CHEK1: variants seen among roughly 807,000 people sequenced by gnomAD.
The protein encoded by CHEK1 is checkpoint kinase 1, also known as serine/threonine-protein kinase Chk1.
In CHEK1, 32 loss-of-function variants were observed where a neutral mutation model predicts 60.2. The observed-to-expected ratio is 0.53, with a 90% CI of 0.40 to 0.71. The LOEUF (loss-of-function observed/expected upper bound fraction) is 0.71. CHEK1 is among the 30% of genes least tolerant of loss of function. The pLI is 0.00. For missense variants in CHEK1, 399 were observed against 564.6 expected (o/e 0.71, Z 2.97); for synonymous variants, 179 against 187.2 (o/e 0.96, Z 0.36).
intron 13 of CHEK1, chr11:125,672,330 T>C: frequency 2.6e-6 from 1 of 387,546 alleles, no homozygotes; most frequent in South Asian, 4.2e-5. Context: ...GTCTTGAGCC[T>C]GTGTGCTTTA....
chr11:125,633,372 G>C (rs1030725232), intron 6 of CHEK1, 21 bp downstream of exon 6: 2 of 1,497,724 alleles, frequency 1.3e-6, no homozygotes, highest in Non-Finnish European at 1.8e-6. Context: ...TTTAATCATG[G>C]TAAAACTCCT....
Position 125,674,621 on chromosome 11 carries a change from C to A in CHEK1, c.*28-1307C>A, listed in dbSNP as rs563258629. On this transcript the variant is annotated intron_variant, in intron 13 of 13. Transcript: ENST00000428830. ...TATTACAATAGCCCTTTAACAGGTT[C>A]TCTTGTGTCCACTGTAACTTGCTTC... Among the ~76,000 whole-genome samples the A allele has an allele frequency of 1.2e-4, 19 of 152,284 alleles. 1 individual carries two copies. In the South Asian group the frequency reaches 3.9e-3, roughly 32 times the overall value.
chr11:125,635,897 T>A (rs1055399761), intron 7 of CHEK1: 2 of 163,602 alleles, frequency 1.2e-5, no homozygotes, highest in African/African-American at 4.8e-5. Flanking sequence ...CATCATTGTG[T>A]GAACATCATA....
chr11:125,650,490 C>T (rs892099860), intron 11 of CHEK1, among the ~76,000 whole-genome samples: 2 of 124,904 alleles, frequency 1.6e-5, no homozygotes, highest in African/African-American at 6.2e-5. Flanking sequence ...GAGCTTTGCT[C>T]TTGTTGCCCA....
chr11:125,654,415 C>T (rs749280088), intron 12 of CHEK1, among the ~76,000 whole-genome samples: 8 of 152,066 alleles, frequency 5.3e-5, no homozygotes, highest in Non-Finnish European at 7.4e-5. Flanking sequence ...TTTCAGTGAT[C>T]ACATTAATAT....
chr11:125,648,443 G>A (rs888772117), intron 11 of CHEK1, among the ~76,000 whole-genome samples: 27 of 151,940 alleles, frequency 1.8e-4, no homozygotes, highest in Non-Finnish European at 5.9e-5. Flanking sequence ...TTAGCTGGGC[G>A]TGGTTGCGGG....
intron 1 of CHEK1, 141 bp downstream of exon 1, chr11:125,626,153 T>C (rs772096440): frequency 3.3e-6 from 2 of 610,500 alleles, no homozygotes; most frequent in Non-Finnish European, 5.9e-6. Flanking sequence ...AGGGGCGGTT[T>C]CGGAGGGTGG....
chr11:125,633,384 T>A, intron 6 of CHEK1, 33 bp downstream of exon 6: 1 of 1,468,014 alleles, frequency 6.8e-7, no homozygotes, highest in Non-Finnish European at 9.1e-7. Flanking sequence ...AAAACTCCTA[T>A]AAAAAGTCAG....
At chr11:125,665,869 C>CTTTTTTTTTTTTTT (rs66560397) in intron 13 of CHEK1, among the ~76,000 whole-genome samples, 6 of 30,528 alleles carry the variant, frequency 2.0e-4, no homozygotes, top group Admixed American at 3.9e-4. Flanking sequence ...CTTCATTCCC[C>CTTTTTTTTTTTTTT]TTTTTTTTTT....
downstream of CHEK1, chr11:125,677,682 G>T (rs1942576778): frequency 2.9e-6 from 4 of 1,372,052 alleles, no homozygotes; most frequent in Non-Finnish European, 4.0e-6. Flanking sequence ...AGAGCTGTTT[G>T]TGAAGTGTTA....
intron 11 of CHEK1, among the ~76,000 whole-genome samples, chr11:125,647,091 G>A (rs1941532931): frequency 6.6e-6 from 1 of 152,100 alleles, no homozygotes; most frequent in South Asian, 2.1e-4. Context: ...AGGAGTCCCA[G>A]CCTCCTAAGT....
In CHEK1 at chr11:125,655,622, T is replaced by TGA. The variant is rs762754025; in HGVS notation, c.*304_*305dup. 12 of 264,814 alleles carry TGA rather than the reference T, an allele frequency of 4.5e-5. No homozygotes were observed. The highest frequency in any genetic ancestry group is 7.8e-5 in the Non-Finnish European group (11 of 140,364). The allele number at this position is 264,814 out of a possible 1,614,324, so 16.4% of individuals were successfully genotyped here. ...GGTGGAAACCAAGTTTCAGGGGACA[T>TGA]GAGTTTTCCAGCTTTTATACACACG... On this transcript the variant is annotated 3_prime_UTR_variant, in exon 13 of 13. Transcript: ENST00000438015.
At chr11:125,643,247 A>T (rs1941369157) in intron 8 of CHEK1, 1 of 144,676 alleles carries the variant, frequency 6.9e-6, no homozygotes, top group African/African-American at 2.6e-5. Context: ...TGGGAGGCCG[A>T]GGCGGGTGGA....
At chr11:125,645,394 T>C (rs796994537) in intron 11 of CHEK1, among the ~76,000 whole-genome samples, 16 of 152,334 alleles carry the variant, frequency 1.1e-4, no homozygotes, top group African/African-American at 3.6e-4. Context: ...TATTCTAAAC[T>C]GTCTTTAAGG....
intron 13 of CHEK1, chr11:125,671,885 G>A (rs768692229): frequency 6.6e-6 from 1 of 152,140 alleles, no homozygotes; most frequent in Non-Finnish European, 1.5e-5. Context: ...ATGAGGGACC[G>A]TTTAGTATTT....
chr11:125,675,009 T>G (rs191272199), intron 13 of CHEK1, among the ~76,000 whole-genome samples: 65 of 152,336 alleles, frequency 4.3e-4, no homozygotes, highest in Non-Finnish European at 1.5e-5. Context: ...CAACCATTGC[T>G]GTATGACTAA....
chr11:125,664,426 G>A (rs1034211620), intron 13 of CHEK1, among the ~76,000 whole-genome samples: 2 of 151,774 alleles, frequency 1.3e-5, no homozygotes, highest in African/African-American at 2.4e-5. Flanking sequence ...GTAGAGACAG[G>A]GTTTTACCAC....
Position 125,656,611 on chromosome 11 carries a change from T to G in CHEK1, c.*1291T>G, listed in dbSNP as rs528324506. 2 of 213,494 alleles carry G rather than the reference T, an allele frequency of 9.4e-6. No individual in the cohort carries two copies. The highest frequency in any genetic ancestry group is 5.9e-5 in the Admixed American group (1 of 17,076). The allele number at this position is 213,494 out of a possible 1,614,324, so 13.2% of individuals were successfully genotyped here. On this transcript the variant is annotated 3_prime_UTR_variant, in exon 13 of 13. Coordinates refer to ENST00000438015, the MANE Select transcript of CHEK1 (RefSeq NM_001114122.3). ...ATTTTGTTCTTGAGAATTATCTGAG[T>G]CATTAATATTTTTCAAAAACAGCTC...
intron 11 of CHEK1, among the ~76,000 whole-genome samples, chr11:125,645,182 C>CT (rs1463247762): frequency 1.3e-5 from 2 of 151,162 alleles, no homozygotes; most frequent in Non-Finnish European, 2.9e-5. Flanking sequence ...CTTAAAAGAC[C>CT]TTTTTATTGT....
Sources: gnomAD v4.1 joint callset for allele counts (sites outside exome capture counted in the v4.1 genomes callset) on GRCh38, gnomAD v4.1.1 for gene constraint, MANE v1.5 for transcripts, NCBI Gene and HGNC (gene_info 2026-07-23, HGNC 2026-07-21) for gene names.